LDAH: variants seen among roughly 807,000 people sequenced by gnomAD.
LDAH encodes lipid droplet associated hydrolase.
A neutral mutation model predicts 29.6 loss-of-function variants in LDAH; 26 were observed. The observed-to-expected ratio is 0.88, with a 90% CI of 0.64 to 1.22. LDAH has a LOEUF of 1.22. Ranked by LOEUF, LDAH falls within the 50% of genes most tolerant of loss-of-function variation. LDAH has a pLI of 0.00. For synonymous variants in LDAH, 117 were observed against 133.0 expected (o/e 0.88, Z 0.83); for missense variants, 344 against 387.3 (o/e 0.89, Z 0.94).
chr2:20,811,990 G>A (rs1173077254), intron 1 of LDAH, among the ~76,000 whole-genome samples: 1 of 152,130 alleles, frequency 6.6e-6, no homozygotes, highest in Non-Finnish European at 1.5e-5. Flanking sequence ...AACCAGGGAA[G>A]GGAAAGGGGC....
chr2:20,781,638 C>CG (rs1305173419), intron 3 of LDAH, among the ~76,000 whole-genome samples: 1 of 152,224 alleles, frequency 6.6e-6, no homozygotes, highest in Non-Finnish European at 1.5e-5. Flanking sequence ...CAGAGCCCTA[C>CG]TTAGCCTTCA....
At chr2:20,807,203 C>G (rs1433697150) in intron 1 of LDAH, among the ~76,000 whole-genome samples, 1 of 151,718 alleles carries the variant, frequency 6.6e-6, no homozygotes, top group East Asian at 1.9e-4. Context: ...AAAACCAAAC[C>G]CAACAGATAC....
chr2:20,789,309 T>C (rs1184137371), intron 3 of LDAH: 1 of 1,546,702 alleles, frequency 6.5e-7, no homozygotes, highest in South Asian at 1.2e-5. Flanking sequence ...TTGCCTCCTG[T>C]GTCCACCACG....
At position 20,710,629 on chromosome 2, in the gene LDAH, T is replaced by G. The variant is rs74435878; in HGVS notation, c.704-8977A>C. ...GTGTATATATATATATAGATATATA[T>G]ATATAGATATATAGTATACATATAT... On this transcript the variant is annotated intron_variant, in intron 5 of 6. Coordinates refer to ENST00000237822, the MANE Select transcript of LDAH (RefSeq NM_021925.4). 3.7e-5 allele frequency among the ~76,000 whole-genome samples: 5 copies of G among 135,370 alleles called. No individual in the cohort carries two copies. The East Asian group carries it at 6.5e-4, about 18-fold the overall frequency. 88.8% of individuals were successfully genotyped at this position (135,370 alleles called of 152,430 possible).
intron 5 of LDAH, among the ~76,000 whole-genome samples, chr2:20,722,197 GA>G (rs1347289690): frequency 6.6e-6 from 1 of 151,978 alleles, no homozygotes; most frequent in Non-Finnish European, 1.5e-5. Context: ...CCAACATGGT[GA>G]AACCGTCTCT....
At chr2:20,775,994 G>A (rs935235039) in intron 3 of LDAH, among the ~76,000 whole-genome samples, 4 of 152,150 alleles carry the variant, frequency 2.6e-5, no homozygotes, top group Non-Finnish European at 5.9e-5. Flanking sequence ...AATATTCTAC[G>A]AGTGTAGAAA....
intron 3 of LDAH, among the ~76,000 whole-genome samples, chr2:20,780,531 A>G (rs935012667): frequency 6.6e-6 from 1 of 152,212 alleles, no homozygotes; most frequent in Non-Finnish European, 1.5e-5. Context: ...GTGTGGTTAT[A>G]TGGAAAGGTG....
intron 5 of LDAH, among the ~76,000 whole-genome samples, chr2:20,732,171 G>A (rs1400180007): frequency 6.6e-6 from 1 of 152,048 alleles, no homozygotes; most frequent in Non-Finnish European, 1.5e-5. Flanking sequence ...CTGTTAATAT[G>A]TTAGATTATA....
intron 2 of LDAH, among the ~76,000 whole-genome samples, chr2:20,794,788 G>A (rs1469185147): frequency 6.6e-6 from 1 of 152,132 alleles, no homozygotes; most frequent in African/African-American, 2.4e-5. Flanking sequence ...TCTGTATCCA[G>A]TGGCACCAAG....
chr2:20,710,334 C>T (rs181690634), intron 5 of LDAH, among the ~76,000 whole-genome samples: 15 of 151,878 alleles, frequency 9.9e-5, no homozygotes, highest in Non-Finnish European at 1.6e-4. Flanking sequence ...ACACCTTGGA[C>T]AAAATGGACA....
At chr2:20,732,037 A>G (rs1043671140) in intron 5 of LDAH, among the ~76,000 whole-genome samples, 10 of 152,058 alleles carry the variant, frequency 6.6e-5, no homozygotes, top group African/African-American at 2.2e-4. Flanking sequence ...GTCCAGCACT[A>G]TGTTGAATAA....
In LDAH at chr2:20,766,149, C is replaced by T. The variant is rs796651634; in HGVS notation, c.468+8661G>A. Among the ~76,000 whole-genome samples, 16 of 152,034 alleles carry T rather than the reference C, an allele frequency of 1.1e-4. No homozygotes were observed. In the South Asian group the frequency reaches 3.3e-3, roughly 32 times the overall value. ...ATCTACTATGTTATCAACACACACACAAAGTGAAACAAAAGTTTCATAATA... is the reference window on the plus strand; with the variant it reads ...ATCTACTATGTTATCAACACACACATAAAGTGAAACAAAAGTTTCATAATA... On this transcript the variant is annotated intron_variant, in intron 4 of 6. Transcript: ENST00000237822.
At chr2:20,727,180 T>A (rs927327096) in intron 5 of LDAH, among the ~76,000 whole-genome samples, 22 of 152,146 alleles carry the variant, frequency 1.4e-4, no homozygotes, top group African/African-American at 5.1e-4. Context: ...AGTTTGAGAC[T>A]AGCTTGGCCA....
chr2:20,707,827 A>G (rs1415293871), intron 5 of LDAH, among the ~76,000 whole-genome samples: 1 of 152,214 alleles, frequency 6.6e-6, no homozygotes, highest in Non-Finnish European at 1.5e-5. Flanking sequence ...CAGGCAAGCA[A>G]GTGAAGCTTT....
intron 4 of LDAH, among the ~76,000 whole-genome samples, chr2:20,751,238 A>G (rs1220059176): frequency 2.0e-5 from 3 of 152,178 alleles, no homozygotes; most frequent in Non-Finnish European, 4.4e-5. Flanking sequence ...TAAAAAGCAT[A>G]TCTTTTATTT....
Position 20,801,518 on chromosome 2 carries a change from A to C in LDAH, c.-2-53T>G, listed in dbSNP as rs956007313. The C allele has an allele frequency of 2.0e-6, 3 of 1,492,348 alleles. No homozygotes were observed. In the African/African-American group the frequency reaches 4.2e-5, roughly 21 times the overall value. 92.4% of individuals were successfully genotyped at this position (1,492,348 alleles called of 1,614,324 possible). On this transcript the variant is annotated intron_variant, in intron 1 of 6. Coordinates refer to ENST00000237822, the MANE Select transcript of LDAH (RefSeq NM_021925.4). The stretch of plus-strand genomic sequence containing the variant: ...AGAGTCAGTAAAATGTAAAACCTTG[A>C]GCCAAAGACAAAATTCAAGAATAAA...
chr2:20,773,573 A>G (rs1351653315), intron 4 of LDAH, among the ~76,000 whole-genome samples: 3 of 152,214 alleles, frequency 2.0e-5, no homozygotes, highest in Non-Finnish European at 4.4e-5. Flanking sequence ...ACAGTAGACA[A>G]TAATACAGAG....
chr2:20,718,782 A>C (rs1054992145), intron 5 of LDAH, among the ~76,000 whole-genome samples: 12 of 152,180 alleles, frequency 7.9e-5, no homozygotes, highest in Admixed American at 6.5e-4. Flanking sequence ...AAGTCTCAAC[A>C]AATTTAAAAG....
intron 6 of LDAH, among the ~76,000 whole-genome samples, chr2:20,695,489 G>A (rs1490548263): frequency 6.9e-6 from 1 of 145,186 alleles, no homozygotes. Context: ...GTCTCGCTCT[G>A]TTGCCCAGGC....
Sources: gnomAD v4.1 joint callset for allele counts (sites outside exome capture counted in the v4.1 genomes callset) on GRCh38, gnomAD v4.1.1 for gene constraint, MANE v1.5 for transcripts, NCBI Gene and HGNC (gene_info 2026-07-23, HGNC 2026-07-21) for gene names.